Variants in DENND4A observed in about 807,000 individuals in gnomAD.
DENND4A encodes the protein C-myc promoter-binding protein.
Under a neutral mutation model 199.3 loss-of-function variants are expected in DENND4A, and 70 were observed. That is an observed-to-expected ratio of 0.35 (90% CI 0.29 to 0.43). The LOEUF is 0.43. Among genes scored for constraint, DENND4A ranks in the 20% least tolerant of loss-of-function variants. The pLI, the probability that DENND4A is intolerant of heterozygous loss-of-function variation, is 1.00. For synonymous variants in DENND4A, 686 were observed against 766.9 expected, an observed-to-expected ratio of 0.89 and a Z score of 1.74; for missense variants, 1,723 against 2,255.8, an observed-to-expected ratio of 0.76 and a Z score of 4.78.
chr15:65,752,837 C>A (rs1340690591), intron 3 of DENND4A, among the ~76,000 whole-genome samples: 2 of 152,006 alleles, frequency 1.3e-5, no homozygotes, highest in Non-Finnish European at 2.9e-5. Flanking sequence ...TTCTGACAAA[C>A]CATTGTGTTT....
intron 9 of DENND4A, among the ~76,000 whole-genome samples, 171 bp from the exon 10 acceptor site, chr15:65,729,849 G>A (rs1285313868): frequency 2.6e-5 from 4 of 152,132 alleles, no homozygotes; most frequent in African/African-American, 9.7e-5. Context: ...CTATGATGCA[G>A]GGAAAACACT....
At position 65,664,591 on chromosome 15, in the gene DENND4A, G is replaced by A. The variant is rs528660222; in HGVS notation, c.5491C>T (p.Leu1831=). 11 of 1,612,766 alleles carry A rather than the reference G, an allele frequency of 6.8e-6. No individual in the cohort carries two copies. The highest frequency in any genetic ancestry group is 5.3e-5 in the African/African-American group (4 of 75,016). Residue 1831 remains leucine (L), a synonymous_variant, in exon 31 of 33, where the codon CTG becomes TTG. Coordinates refer to ENST00000443035, the MANE Select transcript of DENND4A (RefSeq NM_001320835.1). ...YGPMSQILET[L]NKCPHFKRQR... ...CTTTTAAAATGTGGACACTTATTCA[G>A]TGTCTCTAAAATCTGACTCATTGGT... is the stretch of plus-strand genomic sequence containing the variant.
At chr15:65,678,184 T>A (rs2076450986) in intron 23 of DENND4A, among the ~76,000 whole-genome samples, 1 of 152,230 alleles carries the variant, frequency 6.6e-6, no homozygotes, top group African/African-American at 2.4e-5. Flanking sequence ...CGCCTCGGCC[T>A]CCCGAAGTGT....
At chr15:65,673,425 T>C (rs2076276923) in intron 24 of DENND4A, among the ~76,000 whole-genome samples, 1 of 151,538 alleles carries the variant, frequency 6.6e-6, no homozygotes, top group Admixed American at 6.6e-5. Flanking sequence ...GAGCTATGAC[T>C]CTGCCACTGC....
At chr15:65,764,241 T>C (rs919320365) in intron 1 of DENND4A, among the ~76,000 whole-genome samples, 1 of 152,204 alleles carries the variant, frequency 6.6e-6, no homozygotes. Context: ...GTCATATCTA[T>C]AATCCTAACA....
chr15:65,715,669 T>C (rs781481876), intron 13 of DENND4A, 46 bp from the exon 14 acceptor site: 68 of 1,474,876 alleles, frequency 4.6e-5, no homozygotes, highest in East Asian at 1.0e-4. Flanking sequence ...ATATCATTCA[T>C]AGATTCACAG....
chr15:65,762,201 T>C (rs2076869142), intron 1 of DENND4A, among the ~76,000 whole-genome samples: 1 of 152,148 alleles, frequency 6.6e-6, no homozygotes, highest in African/African-American at 2.4e-5. Context: ...GAGACCAGGT[T>C]TCTCCATATT....
chr15:65,687,668 G>A (rs1251724138), intron 23 of DENND4A, among the ~76,000 whole-genome samples: 1 of 152,098 alleles, frequency 6.6e-6, no homozygotes, highest in African/African-American at 2.4e-5. Flanking sequence ...TTCTTCCAAT[G>A]CGTTAAAGGC....
chr15:65,753,213 A>C (rs183136567), intron 3 of DENND4A, among the ~76,000 whole-genome samples: 1 of 152,286 alleles, frequency 6.6e-6, no homozygotes, highest in East Asian at 1.9e-4. Flanking sequence ...CCATTCATTA[A>C]GTTTTCTATA....
chr15:65,696,881 C>T (rs1001995157), intron 21 of DENND4A: 17 of 322,526 alleles, frequency 5.3e-5, no homozygotes, highest in Admixed American at 2.7e-4. Context: ...AAGGGTGGCA[C>T]ATCTCACAAA....
At chr15:65,720,617 G>A (rs904843263) in intron 12 of DENND4A, among the ~76,000 whole-genome samples, 12 of 150,118 alleles carry the variant, frequency 8.0e-5, no homozygotes, top group African/African-American at 1.2e-4. Context: ...TTACTATGTC[G>A]GCCAGGCTGG....
chr15:65,689,333 T>G (rs1212230664), intron 23 of DENND4A, among the ~76,000 whole-genome samples: 2 of 152,234 alleles, frequency 1.3e-5, no homozygotes, highest in Non-Finnish European at 2.9e-5. Context: ...ATCTGCTTTC[T>G]TCATTTTTTA....
intron 11 of DENND4A, among the ~76,000 whole-genome samples, chr15:65,723,740 A>C (rs1396359968): frequency 6.6e-6 from 1 of 152,200 alleles, no homozygotes; most frequent in Non-Finnish European, 1.5e-5. Flanking sequence ...ATTTATAATA[A>C]AATAGAATTA....
chr15:65,774,701 T>C (rs1408350663), intron 1 of DENND4A, among the ~76,000 whole-genome samples: 1 of 151,748 alleles, frequency 6.6e-6, no homozygotes, highest in Non-Finnish European at 1.5e-5. Flanking sequence ...AAATAAGATG[T>C]TTTATAAAAT....
intron 1 of DENND4A, among the ~76,000 whole-genome samples, chr15:65,777,161 C>T (rs572757407): frequency 6.6e-6 from 1 of 152,132 alleles, no homozygotes; most frequent in South Asian, 2.1e-4. Context: ...GAGTAAGACG[C>T]TGTCTCAAAA....
chr15:65,665,151 A>C (rs925011586), intron 30 of DENND4A, 194 bp downstream of exon 30: 23 of 473,658 alleles, frequency 4.9e-5, no homozygotes, highest in Non-Finnish European at 6.9e-5. Context: ...ACAAAAAAAA[A>C]CCCTTAGACC....
At chr15:65,734,402 G>T (rs1415981920) in intron 7 of DENND4A, among the ~76,000 whole-genome samples, 1 of 152,106 alleles carries the variant, frequency 6.6e-6, no homozygotes, top group African/African-American at 2.4e-5. Context: ...ATTGTCTTGT[G>T]ACCCTGACAC....
At position 65,671,863 on chromosome 15, in the gene DENND4A, G is replaced by A. The variant is rs1177564342; in HGVS notation, c.4393C>T (p.Pro1465Ser). The A allele has an allele frequency of 1.9e-6, 3 of 1,611,362 alleles. No individual in the cohort carries two copies. The highest frequency in any genetic ancestry group is 2.5e-6 in the Non-Finnish European group (3 of 1,177,658). The change falls in exon 25 of 33, where the codon CCT (proline) becomes TCT (serine). Residue 1465 changes from proline to serine, a missense_variant. Pro to Ser is a moderately conservative substitution (Grantham distance 74). This residue lies in a region of DENND4A where 650 missense variants were observed against 738.1 expected (regional missense o/e 0.88). Coordinates refer to ENST00000443035, the MANE Select transcript of DENND4A (RefSeq NM_001320835.1). ...LEGSLSKFAL[P>S]GKSEVTSSFN... is the part of the protein sequence containing the mutation. ...GAAGATGTCACTTCTGATTTCCCAGGTAAGGCAAACTTCGACAGAGATCCT... is the reference window on the plus strand; with the variant it reads ...GAAGATGTCACTTCTGATTTCCCAGATAAGGCAAACTTCGACAGAGATCCT...
At chr15:65,692,869 C>G (rs961711258) in intron 22 of DENND4A, among the ~76,000 whole-genome samples, 5 of 152,110 alleles carry the variant, frequency 3.3e-5, no homozygotes, top group African/African-American at 1.2e-4. Context: ...ATGCTATGAC[C>G]TGAAGACCAA....
Sources: gnomAD v4.1 joint callset for allele counts (sites outside exome capture counted in the v4.1 genomes callset) on GRCh38, gnomAD v4.1.1 for gene constraint, gnomAD v4.1.1 regional missense constraint, MANE v1.5 for transcripts, NCBI Gene and HGNC (gene_info 2026-07-23, HGNC 2026-07-21) for gene names.